MAN1C1: variants seen among roughly 807,000 people sequenced by gnomAD.
The protein encoded by MAN1C1 is mannosidase alpha class 1C member 1.
A neutral mutation model predicts 71.5 loss-of-function variants in MAN1C1; 49 were observed. That is an observed-to-expected ratio of 0.69 (90% CI 0.54 to 0.87). The LOEUF is 0.87. MAN1C1 is among the 40% of genes least tolerant of loss of function. The pLI, the probability that MAN1C1 is intolerant of heterozygous loss-of-function variation, is 0.00. For synonymous variants in MAN1C1, 352 were observed against 343.7 expected (o/e 1.02, Z -0.27); for missense variants, 743 against 835.0 (o/e 0.89, Z 1.36).
rs1159524051 is a variant in MAN1C1, at chr1:25,732,109, G to C, written c.638-14559G>C. On this transcript the variant is annotated intron_variant, in intron 2 of 11. Coordinates refer to ENST00000374332, the MANE Select transcript of MAN1C1 (RefSeq NM_020379.4). ...GCCATCCCTCGAGGGCATCTGGGGG[G>C]GCTCCTGCAGAGGGTGCCCAGGCTC... Among the ~76,000 whole-genome samples the C allele has an allele frequency of 2.6e-5, 4 of 152,260 alleles. 1 individual carries two copies. In the East Asian group the frequency reaches 5.8e-4, roughly 22 times the overall value.
At position 25,778,347 on chromosome 1, in the gene MAN1C1, C is replaced by A; in HGVS notation, c.1477+23C>A. The A allele has an allele frequency of 6.3e-7, 1 of 1,586,704 alleles. No homozygotes were observed. Among genetic ancestry groups the A allele is most frequent in the Non-Finnish European group, 8.6e-7 (1 of 1,162,718 alleles). On this transcript the variant is annotated intron_variant, in intron 9 of 11. Coordinates refer to ENST00000374332, the MANE Select transcript of MAN1C1 (RefSeq NM_020379.4). The surrounding 1 kb of genome is among the most constrained non-coding windows in gnomAD (Gnocchi z 5.5). The stretch of plus-strand genomic sequence containing the variant: ...CAGGTAACCCTGCAAGGGGAAGGGG[C>A]AGCAGGAGAGACTGAGGCTAGACAC...
At chr1:25,679,118 G>C (rs573619800) in intron 1 of MAN1C1, among the ~76,000 whole-genome samples, 12 of 152,058 alleles carry the variant, frequency 7.9e-5, no homozygotes, top group African/African-American at 2.2e-4. Context: ...AGAAGGAAGG[G>C]GCACAGAGCT....
At position 25,763,945 on chromosome 1, in the gene MAN1C1, A is replaced by C; in HGVS notation, c.1119A>C (p.Pro373=). 1 of 1,613,874 alleles carries C rather than the reference A, an allele frequency of 6.2e-7. No homozygotes were observed. Among genetic ancestry groups the C allele is most frequent in the East Asian group, 2.2e-5 (1 of 44,878 alleles). ...GCCTCTACCCCAACTTCCTCAGCCCAGTGAGTGGGAACTGGGTGCAACGTG... is the reference window on the plus strand; with the variant it reads ...GCCTCTACCCCAACTTCCTCAGCCCCGTGAGTGGGAACTGGGTGCAACGTG... ...PFGLYPNFLS[P]VSGNWVQHHV... is the part of the protein sequence containing the mutation. The change falls in exon 7 of 12, where the codon CCA becomes CCC. Residue 373 remains proline, a synonymous_variant. Coordinates refer to ENST00000374332, the MANE Select transcript of MAN1C1 (RefSeq NM_020379.4).
chr1:25,783,221 C>T (rs1394726156), intron 11 of MAN1C1, among the ~76,000 whole-genome samples: 3 of 152,150 alleles, frequency 2.0e-5, no homozygotes, highest in African/African-American at 4.8e-5. Context: ...GGAAAAAACC[C>T]ACAACCTGGA....
chr1:25,690,997 G>A (rs1557767269), intron 2 of MAN1C1, among the ~76,000 whole-genome samples: 1 of 152,138 alleles, frequency 6.6e-6, no homozygotes, highest in Non-Finnish European at 1.5e-5. Context: ...CTAGGCTTTG[G>A]GGGAATATTA....
chr1:25,708,973 T>A lies in MAN1C1; in HGVS notation c.637+22437T>A, dbSNP rs532368967. Among the ~76,000 whole-genome samples the A allele has an allele frequency of 1.5e-3, 233 of 152,152 alleles. 1 individual carries two copies. Among genetic ancestry groups the A allele is most frequent in the African/African-American group, 5.4e-3 (223 of 41,488 alleles). On this transcript the variant is annotated intron_variant, in intron 2 of 11. Transcript: ENST00000374332. ...CCACTCCAACTGGGGTCTTGGCACTTGCATTTTCCTGAGCCCAGCCCCAGG... is the reference window on the plus strand; with the variant it reads ...CCACTCCAACTGGGGTCTTGGCACTAGCATTTTCCTGAGCCCAGCCCCAGG...
At position 25,690,262 on chromosome 1, in the gene MAN1C1, G is replaced by A. The variant is rs115612463; in HGVS notation, c.637+3726G>A. Among the ~76,000 whole-genome samples the A allele has an allele frequency of 9.5e-3, 1,438 of 151,046 alleles. 26 individuals are homozygous for A. The highest frequency in any genetic ancestry group is 0.031 in the African/African-American group (1,274 of 40,942). ...GATGCAGCCCGTTCCTCGCCTTGTG[G>A]CTCAGGCTAAGGCTGATCTCTGCCT... is the stretch of plus-strand genomic sequence containing the variant. On this transcript the variant is annotated intron_variant, in intron 2 of 11. Transcript: ENST00000374332.
intron 2 of MAN1C1, among the ~76,000 whole-genome samples, chr1:25,729,167 T>C (rs1310802468): frequency 6.6e-6 from 1 of 152,234 alleles, no homozygotes; most frequent in Non-Finnish European, 1.5e-5. Context: ...TCCAGCTGAC[T>C]GGCCACATTG....
In MAN1C1 at chr1:25,656,095, C is replaced by CTTTTTTTTT. The variant is rs59710145; in HGVS notation, c.541-30331_541-30323dup. Among the ~76,000 whole-genome samples, 188 of 74,972 alleles carry CTTTTTTTTT rather than the reference C, an allele frequency of 2.5e-3. 50 individuals are homozygous for CTTTTTTTTT. The highest frequency in any genetic ancestry group is 0.014 in the African/African-American group (173 of 12,202). 49.2% of individuals were successfully genotyped at this position (74,972 alleles called of 152,430 possible). A position where few individuals can be genotyped will look rare whatever the true frequency, so the allele number is the denominator to read the frequency against. On this transcript the variant is annotated intron_variant, in intron 1 of 11. Transcript: ENST00000374332. ...TATGTCTTAGGTTGGGATTATCAGT[C>CTTTTTTTTT]TTTTTTTTTTTTTTTTTTTTTTGAG...
chr1:25,639,068 T>C (rs2045503152), intron 1 of MAN1C1, among the ~76,000 whole-genome samples: 1 of 152,200 alleles, frequency 6.6e-6, no homozygotes, highest in Non-Finnish European at 1.5e-5. Context: ...TCTGTACTTC[T>C]GTGAGGATAA....
At chr1:25,643,868 T>C (rs1435892139) in intron 1 of MAN1C1, among the ~76,000 whole-genome samples, 1 of 152,158 alleles carries the variant, frequency 6.6e-6, no homozygotes, top group Non-Finnish European at 1.5e-5. Context: ...ATTGCCTTCA[T>C]GTGGCTGCTA....
At chr1:25,758,801 T>A (rs900035244) in intron 6 of MAN1C1, 92 bp downstream of exon 6, 42 of 1,150,028 alleles carry the variant, frequency 3.7e-5, no homozygotes, top group Non-Finnish European at 5.2e-5. Context: ...TCCTCCCTCA[T>A]GGATCAGCAG....
intron 7 of MAN1C1, among the ~76,000 whole-genome samples, chr1:25,765,139 C>A (rs1341310746): frequency 6.6e-6 from 1 of 152,208 alleles, no homozygotes; most frequent in Non-Finnish European, 1.5e-5. Context: ...TGTTCAGAGA[C>A]TTGTTTCTCA....
intron 7 of MAN1C1, among the ~76,000 whole-genome samples, chr1:25,767,586 CCA>C (rs1416390329): frequency 7.5e-6 from 1 of 133,782 alleles, no homozygotes; most frequent in Non-Finnish European, 1.6e-5. Flanking sequence ...ACACACAGAC[CCA>C]CATACCACAC....
intron 2 of MAN1C1, among the ~76,000 whole-genome samples, chr1:25,733,155 C>T (rs2046932790): frequency 6.6e-6 from 1 of 152,186 alleles, no homozygotes; most frequent in Non-Finnish European, 1.5e-5. Flanking sequence ...GGGAGCATCT[C>T]CAGCTGCCTT....
intron 2 of MAN1C1, among the ~76,000 whole-genome samples, chr1:25,698,674 G>A (rs1031117095): frequency 4.6e-5 from 7 of 152,130 alleles, no homozygotes; most frequent in Non-Finnish European, 7.4e-5. Flanking sequence ...TACTGGGGCC[G>A]GGTGCAGTGG....
Position 25,741,095 on chromosome 1 carries a change from G to A in MAN1C1, c.638-5573G>A, listed in dbSNP as rs535531459. On this transcript the variant is annotated intron_variant, in intron 2 of 11. Coordinates refer to ENST00000374332, the MANE Select transcript of MAN1C1 (RefSeq NM_020379.4). ...AAGGCATGGGATTGGCTTTCAGACA[G>A]TGAAACATGCGATGCCCAAAGACCT... Among the ~76,000 whole-genome samples the A allele has an allele frequency of 2.4e-4, 36 of 152,198 alleles. No homozygotes were observed. In the South Asian group the frequency reaches 7.2e-3, roughly 31 times the overall value.
rs1329807248 is a variant in MAN1C1, at chr1:25,764,427, T to C, written c.1141+460T>C. 1.3e-5 allele frequency among the ~76,000 whole-genome samples: 2 copies of C among 152,060 alleles called. No individual in the cohort carries two copies. Among genetic ancestry groups the C allele is most frequent in the Non-Finnish European group, 2.9e-5 (2 of 68,018 alleles). On this transcript the variant is annotated intron_variant, in intron 7 of 11. Coordinates refer to ENST00000374332, the MANE Select transcript of MAN1C1 (RefSeq NM_020379.4). The surrounding 1 kb of genome is among the most constrained non-coding windows in gnomAD (Gnocchi z 4.4). Reference sequence around the variant, plus strand: ...CTTCAATTTTTTTTTGTTTTTTTGTTTTTGAGACAGAGTCTCACTCTGTCA... The same window carrying C: ...CTTCAATTTTTTTTTGTTTTTTTGTCTTTGAGACAGAGTCTCACTCTGTCA...
Position 25,736,230 on chromosome 1 carries a change from C to T in MAN1C1, c.638-10438C>T, listed in dbSNP as rs1458309438. The stretch of plus-strand genomic sequence containing the variant: ...TCCCTGCCCAGCTCTGTCCTGACTT[C>T]CCCATGGCTCACACTTTCTGCTTGC... On this transcript the variant is annotated intron_variant, in intron 2 of 11. Transcript: ENST00000374332. Among the ~76,000 whole-genome samples the T allele has an allele frequency of 2.0e-5, 3 of 152,148 alleles. No homozygotes were observed. The East Asian group carries it at 5.8e-4, about 29-fold the overall frequency.
Sources: gnomAD v4.1 joint callset for allele counts (sites outside exome capture counted in the v4.1 genomes callset) on GRCh38, gnomAD v4.1.1 for gene constraint, Gnocchi (gnomAD v3.1) non-coding constraint, MANE v1.5 for transcripts, NCBI Gene and HGNC (gene_info 2026-07-23, HGNC 2026-07-21) for gene names.